Variants in ADAMTS3 observed in about 807,000 individuals in gnomAD.
ADAMTS3 encodes the protein ADAM metallopeptidase with thrombospondin type 1 motif 3.
ADAMTS3 carries 73 observed loss-of-function variants against 129.0 expected under a neutral mutation model. That is an observed-to-expected ratio of 0.57 (90% CI 0.47 to 0.69). The LOEUF (loss-of-function observed/expected upper bound fraction) is 0.69, where lower values mean the gene tolerates loss of function less well. ADAMTS3 is among the 30% of genes least tolerant of loss of function. The pLI, the probability that ADAMTS3 is intolerant of heterozygous loss-of-function variation, is 0.00. For missense variants in ADAMTS3, 1,457 were observed against 1,514.5 expected, an observed-to-expected ratio of 0.96 and a Z score of 0.63; for synonymous variants, 477 against 510.8, an observed-to-expected ratio of 0.93 and a Z score of 0.89.
chr4:72,285,540 C>T (rs1452865555), intron 21 of ADAMTS3, among the ~76,000 whole-genome samples: 5 of 152,034 alleles, frequency 3.3e-5, no homozygotes, highest in East Asian at 3.9e-4. Context: ...CTTAGAAGTA[C>T]GACCTGTTTT....
chr4:72,324,669 A>C (rs1719655228), intron 5 of ADAMTS3, among the ~76,000 whole-genome samples: 1 of 152,178 alleles, frequency 6.6e-6, no homozygotes, highest in Non-Finnish European at 1.5e-5. Context: ...AAAAATCTGC[A>C]ATACAATCTT....
At chr4:72,544,747 T>C (rs1721423202) in intron 3 of ADAMTS3, among the ~76,000 whole-genome samples, 1 of 152,206 alleles carries the variant, frequency 6.6e-6, no homozygotes, top group Non-Finnish European at 1.5e-5. Flanking sequence ...TATAATGACA[T>C]CATGGTTTTC....
At position 72,393,772 on chromosome 4, in the gene ADAMTS3, C is replaced by A. The variant is rs564897647; in HGVS notation, c.661+21043G>T. ...TACTTTTAAATACATGTAATGTCTGCTGGATTAATGAACTGATGATCCAGG... is the reference window on the plus strand; with the variant it reads ...TACTTTTAAATACATGTAATGTCTGATGGATTAATGAACTGATGATCCAGG... On this transcript the variant is annotated intron_variant, in intron 4 of 21. Coordinates refer to ENST00000286657, the MANE Select transcript of ADAMTS3 (RefSeq NM_014243.3). 3.9e-5 allele frequency among the ~76,000 whole-genome samples: 6 copies of A among 152,232 alleles called. No homozygotes were observed. In the South Asian group the frequency reaches 8.3e-4, roughly 21 times the overall value.
At chr4:72,480,796 T>C (rs148856801) in intron 3 of ADAMTS3, among the ~76,000 whole-genome samples, 174 of 148,922 alleles carry the variant, frequency 1.2e-3, no homozygotes, top group Non-Finnish European at 1.9e-3. Context: ...GATGATATGA[T>C]AGTCTACATA....
intron 3 of ADAMTS3, among the ~76,000 whole-genome samples, chr4:72,528,426 C>T (rs1720870812): frequency 6.6e-6 from 1 of 150,554 alleles, no homozygotes; most frequent in Admixed American, 6.7e-5. Context: ...GTTGATTACT[C>T]TGATTTTATC....
At chr4:72,500,339 T>C (rs1288647414) in intron 3 of ADAMTS3, among the ~76,000 whole-genome samples, 1 of 152,144 alleles carries the variant, frequency 6.6e-6, no homozygotes, top group Non-Finnish European at 1.5e-5. Context: ...TGGTATTTCC[T>C]TGTGGTTTTG....
At chr4:72,520,675 G>A (rs1316149785) in intron 3 of ADAMTS3, among the ~76,000 whole-genome samples, 6 of 152,188 alleles carry the variant, frequency 3.9e-5, no homozygotes, top group African/African-American at 7.2e-5. Flanking sequence ...CTGGTGCGCT[G>A]TTTCCTAAGC....
chr4:72,560,939 G>A (rs774265915), intron 2 of ADAMTS3, among the ~76,000 whole-genome samples: 16 of 151,996 alleles, frequency 1.1e-4, no homozygotes, highest in Non-Finnish European at 2.1e-4. Context: ...GCTAGAAAGC[G>A]GTGGAGTTAG....
intron 4 of ADAMTS3, among the ~76,000 whole-genome samples, chr4:72,407,024 C>A (rs976475866): frequency 1.3e-5 from 2 of 152,006 alleles, no homozygotes; most frequent in African/African-American, 2.4e-5. Flanking sequence ...AATGTTGGGT[C>A]ACCAAAGAGA....
chr4:72,319,648 T>C (rs939366136), intron 8 of ADAMTS3, among the ~76,000 whole-genome samples, 173 bp from the exon 9 acceptor site: 2 of 152,218 alleles, frequency 1.3e-5, no homozygotes, highest in African/African-American at 4.8e-5. Flanking sequence ...TTTCTTATTC[T>C]ATAGCTCTGA....
At chr4:72,410,508 T>A (rs1560505543) in intron 4 of ADAMTS3, among the ~76,000 whole-genome samples, 1 of 152,066 alleles carries the variant, frequency 6.6e-6, no homozygotes, top group Non-Finnish European at 1.5e-5. Context: ...GAATGAATAG[T>A]GGGTAATTTG....
chr4:72,462,321 C>T (rs1718791326), intron 3 of ADAMTS3, among the ~76,000 whole-genome samples: 1 of 151,778 alleles, frequency 6.6e-6, no homozygotes, highest in Admixed American at 6.6e-5. Flanking sequence ...AAATGTAAAC[C>T]AGAAAGATGA....
At position 72,548,806 on chromosome 4, in the gene ADAMTS3, T is replaced by A. The variant is rs749410202; in HGVS notation, c.176A>T (p.His59Leu). The part of the protein sequence containing the change: ...STNLEGRYLS[H>L]TLSASHKKRS... ...CTTTTTGTGACTCGCAGAAAGAGTA[T>A]GGGAGAGATAGCGTCCTTCTAGATT... Residue 59 changes from histidine (H) to leucine (L), a missense_variant, in exon 3 of 22, where the codon CAT (histidine) becomes CTT (leucine). Coordinates refer to ENST00000286657, the MANE Select transcript of ADAMTS3 (RefSeq NM_014243.3). 1 of 1,613,856 alleles carries A rather than the reference T, an allele frequency of 6.2e-7. No individual in the cohort carries two copies. Among genetic ancestry groups the A allele is most frequent in the Non-Finnish European group, 8.5e-7 (1 of 1,179,858 alleles).
chr4:72,556,143 G>A (rs1055596573), intron 2 of ADAMTS3, among the ~76,000 whole-genome samples: 3 of 148,826 alleles, frequency 2.0e-5, no homozygotes, highest in African/African-American at 5.0e-5. Flanking sequence ...AGGAAGGAAG[G>A]AGAGGGAGGG....
chr4:72,428,425 G>A (rs1722620986), intron 3 of ADAMTS3, among the ~76,000 whole-genome samples: 1 of 151,946 alleles, frequency 6.6e-6, no homozygotes. Flanking sequence ...AGGTTTATTA[G>A]GATGTGCAAG....
intron 3 of ADAMTS3, among the ~76,000 whole-genome samples, chr4:72,471,784 T>TTA (rs957575581): frequency 1.4e-4 from 22 of 152,192 alleles, no homozygotes; most frequent in African/African-American, 4.6e-4. Flanking sequence ...ACTGTAAAAA[T>TTA]TAATAAATCA....
intron 3 of ADAMTS3, among the ~76,000 whole-genome samples, chr4:72,457,586 T>C (rs1718658466): frequency 6.6e-6 from 1 of 151,666 alleles, no homozygotes; most frequent in Non-Finnish European, 1.5e-5. Context: ...AACAAACATT[T>C]ATTGAGGACT....
intron 3 of ADAMTS3, among the ~76,000 whole-genome samples, chr4:72,425,249 TTTTC>T (rs2109938676): frequency 6.6e-6 from 1 of 152,324 alleles, no homozygotes; most frequent in Non-Finnish European, 1.5e-5. Flanking sequence ...TAAATCTTGC[TTTTC>T]TTTAATTTCT....
At chr4:72,453,047 G>A (rs943243612) in intron 3 of ADAMTS3, among the ~76,000 whole-genome samples, 8 of 151,784 alleles carry the variant, frequency 5.3e-5, no homozygotes, top group Admixed American at 1.3e-4. Context: ...TCTCAAAAGA[G>A]CTGGAGAATC....
Sources: gnomAD v4.1 joint callset for allele counts (sites outside exome capture counted in the v4.1 genomes callset) on GRCh38, gnomAD v4.1.1 for gene constraint, MANE v1.5 for transcripts, NCBI Gene and HGNC (gene_info 2026-07-23, HGNC 2026-07-21) for gene names.